The following ARHGAP23 variants were observed in gnomAD, a reference collection of about 807,000 sequenced individuals.
ARHGAP23 encodes the protein Rho GTPase activating protein 23.
ARHGAP23 carries 34 observed loss-of-function variants against 136.3 expected under a neutral mutation model. That is an observed-to-expected ratio of 0.25 (90% CI 0.19 to 0.33). The LOEUF is 0.33. Ranked by LOEUF, ARHGAP23 falls within the 10% of genes least tolerant of loss-of-function variation. The probability of loss-of-function intolerance (pLI) is 1.00; values close to 1 mark genes in which losing one functional copy is unlikely to be tolerated. For synonymous variants in ARHGAP23, 832 were observed against 920.5 expected, an observed-to-expected ratio of 0.90 and a Z score of 1.74; for missense variants, 1,808 against 2,139.0, an observed-to-expected ratio of 0.85 and a Z score of 3.05.
intron 6 of ARHGAP23, among the ~76,000 whole-genome samples, chr17:38,464,643 C>T (rs1410142021): frequency 6.6e-6 from 1 of 152,222 alleles, no homozygotes; most frequent in East Asian, 1.9e-4. Context: ...CCTGCCTGTA[C>T]AGCTCCCCCA....
intron 20 of ARHGAP23, among the ~76,000 whole-genome samples, chr17:38,493,338 C>G (rs1350380888): frequency 6.6e-6 from 1 of 151,984 alleles, no homozygotes; most frequent in Admixed American, 6.6e-5. Context: ...AGAGATGCCA[C>G]CACCACACCA....
At chr17:38,463,422 C>A in intron 6 of ARHGAP23, 40 bp downstream of exon 6, 1 of 1,550,058 alleles carries the variant, frequency 6.5e-7, no homozygotes, top group African/African-American at 1.4e-5. Context: ...GACCCCTGAG[C>A]CCTGGGGCAG....
chr17:38,428,467 G>T lies in ARHGAP23; in HGVS notation c.-19G>T. The T allele has an allele frequency of 7.0e-7, 1 of 1,431,668 alleles. No homozygotes were observed. The allele number at this position is 1,431,668 out of a possible 1,614,324, so 88.7% of individuals were successfully genotyped here. A position where few individuals can be genotyped will look rare whatever the true frequency, so the allele number is the denominator to read the frequency against. On this transcript the variant is annotated 5_prime_UTR_variant, in exon 1 of 24. Coordinates refer to ENST00000622683, the MANE Select transcript of ARHGAP23 (RefSeq NM_001199417.2). ...CGCCCCCAGCCGTGCCCCGGCCGCA[G>T]AGCCGCCGCTGCCACCCGATGAATG...
intron 16 of ARHGAP23, among the ~76,000 whole-genome samples, chr17:38,485,300 G>A (rs536396797): frequency 6.6e-6 from 1 of 152,248 alleles, no homozygotes; most frequent in South Asian, 2.1e-4. Flanking sequence ...CTCTGTGGGT[G>A]GAGTGGGAGT....
In ARHGAP23 at chr17:38,510,569, C is replaced by T; in HGVS notation, c.4073C>T (p.Pro1358Leu). 1 of 1,242,024 alleles carries T rather than the reference C, an allele frequency of 8.1e-7. No homozygotes were observed. The highest frequency in any genetic ancestry group is 1.0e-6 in the Non-Finnish European group (1 of 993,168). 76.9% of individuals were successfully genotyped at this position (1,242,024 alleles called of 1,614,324 possible). Residue 1358 changes from proline to leucine, a missense_variant, in exon 24 of 24, where the codon CCG becomes CTG. By Grantham distance (98) the Pro-to-Leu change is moderately conservative. Coordinates refer to ENST00000622683, the MANE Select transcript of ARHGAP23 (RefSeq NM_001199417.2). The surrounding 1 kb of genome is among the most constrained non-coding windows in gnomAD (Gnocchi z 4.6). ...AGCAGCCAGGAGTCGCTGCGGCCCC[C>T]GGCGGCGGCGCTGGCCTCCCGGCCC... Reference protein sequence around the residue: ...SSSSQESLRPPAAALASRPSR... With the variant: ...SSSSQESLRPLAAALASRPSR...
intron 2 of ARHGAP23, among the ~76,000 whole-genome samples, chr17:38,460,426 A>G (rs1052433114): frequency 2.0e-5 from 3 of 152,022 alleles, no homozygotes; most frequent in Admixed American, 1.3e-4. Context: ...CAGCGTCTGC[A>G]CACCCCGCCT....
intron 1 of ARHGAP23, 81 bp downstream of exon 1, chr17:38,428,629 C>T: frequency 3.0e-6 from 3 of 991,714 alleles, no homozygotes; most frequent in Non-Finnish European, 4.0e-6. Context: ...GCTGCGACCC[C>T]GCTCGCCCTG....
intron 1 of ARHGAP23, among the ~76,000 whole-genome samples, chr17:38,422,267 G>A (rs2038527361): frequency 1.3e-5 from 2 of 152,148 alleles, no homozygotes; most frequent in Admixed American, 6.5e-5. Flanking sequence ...GTGTTGTCAT[G>A]GGGACTAAAT....
Position 38,466,280 on chromosome 17 carries a change from C to T in ARHGAP23, c.597C>T (p.Ala199=), listed in dbSNP as rs1158255245. 1.2e-5 allele frequency: 18 copies of T among 1,548,454 alleles called. No individual in the cohort carries two copies. The highest frequency in any genetic ancestry group is 1.5e-5 in the Non-Finnish European group (17 of 1,146,836). Reference sequence around the variant, plus strand: ...CCCGCAAGACCTACGCCCCTCCTGCCCGGGCCTCCACCAGGGCCACTATGG... The same window carrying T: ...CCCGCAAGACCTACGCCCCTCCTGCTCGGGCCTCCACCAGGGCCACTATGG... ...CYPRKTYAPP[A]RASTRATMVP... The change falls in exon 7 of 24, where the codon GCC becomes GCT. Residue 199 remains alanine (A), a synonymous_variant. Transcript: ENST00000622683.
intron 7 of ARHGAP23, among the ~76,000 whole-genome samples, chr17:38,468,051 A>C (rs1409913328): frequency 6.6e-6 from 1 of 152,248 alleles, no homozygotes; most frequent in Non-Finnish European, 1.5e-5. Context: ...GAGAAGGGCT[A>C]TGGTGAGAAT....
rs1427016550 is a variant in ARHGAP23, at chr17:38,464,353, C to T, written c.483+971C>T. On this transcript the variant is annotated intron_variant, in intron 6 of 23. Coordinates refer to ENST00000622683, the MANE Select transcript of ARHGAP23 (RefSeq NM_001199417.2). The stretch of plus-strand genomic sequence containing the variant: ...TCTTTGTGCCTGGAGCCCCGGCGGT[C>T]CGCTTTGCCCAGTGCCCACCTCCCT... Among the ~76,000 whole-genome samples, 23 of 152,174 alleles carry T rather than the reference C, an allele frequency of 1.5e-4. 1 individual carries two copies. Among genetic ancestry groups the T allele is most frequent in the Admixed American group, 1.5e-3 (23 of 15,272 alleles).
upstream of ARHGAP23, chr17:38,428,363 G>C (rs1422620282): frequency 3.2e-6 from 1 of 315,744 alleles, no homozygotes; most frequent in Non-Finnish European, 5.4e-6. Flanking sequence ...GGAGGGGCGA[G>C]GGGGCGGACC....
At chr17:38,502,440 CTTG>C (rs2040542760) in intron 23 of ARHGAP23, among the ~76,000 whole-genome samples, 1 of 151,564 alleles carries the variant, frequency 6.6e-6, no homozygotes, top group Non-Finnish European at 1.5e-5. Flanking sequence ...ACCACAAATA[CTTG>C]TTGAACGTCT....
chr17:38,441,001 C>A (rs549130543), intron 1 of ARHGAP23, among the ~76,000 whole-genome samples: 3 of 152,292 alleles, frequency 2.0e-5, no homozygotes, highest in South Asian at 4.1e-4. Context: ...CCAGAAGGAA[C>A]CTCCAAGCCT....
In ARHGAP23 at chr17:38,466,370, G is replaced by A; in HGVS notation, c.687G>A (p.Gly229=). ...GTCCTGCTGCCTGGAGTGACCCGGG[G>A]CTCCGTGTGCCACCTGCTGCCCGTG... ...PRSPAAWSDP[G]LRVPPAARAH... is the part of the protein sequence containing the mutation. The change falls in exon 7 of 24, where the codon GGG becomes GGA. Residue 229 remains glycine, a synonymous_variant. Coordinates refer to ENST00000622683, the MANE Select transcript of ARHGAP23 (RefSeq NM_001199417.2). The A allele has an allele frequency of 6.5e-7, 1 of 1,537,562 alleles. No homozygotes were observed. Among genetic ancestry groups the A allele is most frequent in the Non-Finnish European group, 8.7e-7 (1 of 1,143,556 alleles).
intron 12 of ARHGAP23, 119 bp from the exon 13 acceptor site, chr17:38,479,317 C>G (rs2039974105): frequency 1.4e-6 from 1 of 738,214 alleles, no homozygotes; most frequent in African/African-American, 1.8e-5. Flanking sequence ...CTTTCTCACT[C>G]CAGGGTCTGG....
chr17:38,486,745 A>G (rs560400818), intron 17 of ARHGAP23, among the ~76,000 whole-genome samples: 2 of 152,298 alleles, frequency 1.3e-5, no homozygotes, highest in East Asian at 3.9e-4. Context: ...CCCTCTACAG[A>G]TTAGGAAACC....
chr17:38,505,984 C>T (rs1321847941), intron 23 of ARHGAP23, among the ~76,000 whole-genome samples: 1 of 152,178 alleles, frequency 6.6e-6, no homozygotes, highest in Non-Finnish European at 1.5e-5. Flanking sequence ...CACCTATCTA[C>T]ACAAATCCTG....
chr17:38,420,550 G>A (rs1319723729), intron 1 of ARHGAP23, among the ~76,000 whole-genome samples: 1 of 152,174 alleles, frequency 6.6e-6, no homozygotes. Context: ...TGTGATGGTG[G>A]TGAGGAGAGG....
Sources: allele counts gnomAD v4.1 joint callset (sites outside exome capture counted in the v4.1 genomes callset), GRCh38; gene constraint gnomAD v4.1.1; non-coding constraint Gnocchi (gnomAD v3.1); transcripts MANE v1.5; gene names NCBI Gene and HGNC (gene_info 2026-07-23, HGNC 2026-07-21).